The following CIZ1 variants were observed in gnomAD, a reference collection of about 807,000 sequenced individuals.
The protein encoded by CIZ1 is cip1-interacting zinc finger protein.
In CIZ1, 58 loss-of-function variants were observed where a neutral mutation model predicts 118.6. That is an observed-to-expected ratio of 0.49 (90% CI 0.40 to 0.61). CIZ1 has a LOEUF of 0.61. CIZ1 is among the 20% of genes least tolerant of loss of function. CIZ1 has a pLI of 0.00. For synonymous variants in CIZ1, 448 were observed against 443.4 expected (o/e 1.01, Z -0.13); for missense variants, 921 against 1,115.9 (o/e 0.83, Z 2.49).
intron 5 of CIZ1, among the ~76,000 whole-genome samples, chr9:128,183,490 C>A (rs1831951980): frequency 6.6e-6 from 1 of 152,190 alleles, no homozygotes; most frequent in Non-Finnish European, 1.5e-5. Flanking sequence ...CCTGGAGTGG[C>A]CAGCAAAGGG....
chr9:128,195,790 C>T (rs1362006986), upstream of CIZ1, among the ~76,000 whole-genome samples: 1 of 152,114 alleles, frequency 6.6e-6, no homozygotes, highest in Non-Finnish European at 1.5e-5. Context: ...TTTGCTAATT[C>T]CCAATTATAT....
intron 2 of CIZ1, 102 bp from the exon 3 acceptor site, chr9:128,190,546 C>G: frequency 7.4e-7 from 1 of 1,356,466 alleles, no homozygotes; most frequent in South Asian, 1.3e-5. Flanking sequence ...CTGTGGTAGA[C>G]AGAGGACCCC....
chr9:128,185,809 C>A lies in CIZ1; in HGVS notation c.359-33G>T, dbSNP rs527556841. 10 of 1,507,510 alleles carry A rather than the reference C, an allele frequency of 6.6e-6. 1 individual carries two copies. The South Asian group carries it at 1.1e-4, about 17-fold the overall frequency. 93.4% of individuals were successfully genotyped at this position (1,507,510 alleles called of 1,614,324 possible). On this transcript the variant is annotated intron_variant, in intron 4 of 16. Coordinates refer to ENST00000372938, the MANE Select transcript of CIZ1 (RefSeq NM_001131016.2). Reference sequence around the variant, plus strand: ...CAAGAAGACAGGAGAAGAGGGGTCACAATGTGGTCGGGTGGCAGAAGGTAG... The same window carrying A: ...CAAGAAGACAGGAGAAGAGGGGTCAAAATGTGGTCGGGTGGCAGAAGGTAG...
intron 5 of CIZ1, among the ~76,000 whole-genome samples, chr9:128,184,906 G>A (rs184117836): frequency 3.1e-3 from 477 of 152,178 alleles, no homozygotes; most frequent in Non-Finnish European, 5.6e-3. Context: ...CTGACCTCAG[G>A]TGATCCACCC....
At chr9:128,168,539 A>C (rs1471558903) in intron 14 of CIZ1, among the ~76,000 whole-genome samples, 1 of 151,926 alleles carries the variant, frequency 6.6e-6, no homozygotes, top group Non-Finnish European at 1.5e-5. Flanking sequence ...AAAAAAAAAA[A>C]AAAACTGCAA....
At chr9:128,177,528 G>GGGGC in intron 10 of CIZ1, 38 bp downstream of exon 10, 1 of 1,164,640 alleles carries the variant, frequency 8.6e-7, no homozygotes. Flanking sequence ...TTCCACGCAG[G>GGGGC]CCCCACCCCT....
Position 128,201,146 on chromosome 9 carries a change from T to C in CIZ1, c.-6+3040A>G, listed in dbSNP as rs529597679. ...AGCCGGGCGTGGTGGCACGAGCCTG[T>C]AGTCCCAGCTACTTGGGAGGCTGAG... On this transcript the variant is annotated intron_variant, in intron 1 of 17. Coordinates refer to the CIZ1 transcript ENST00000372948. Among the ~76,000 whole-genome samples the C allele has an allele frequency of 2.6e-5, 4 of 152,166 alleles. No homozygotes were observed. In the East Asian group the frequency reaches 5.8e-4, roughly 22 times the overall value.
intron 11 of CIZ1, among the ~76,000 whole-genome samples, chr9:128,172,838 AT>A (rs1830311623): frequency 6.6e-6 from 1 of 152,138 alleles, no homozygotes; most frequent in South Asian, 2.1e-4. Context: ...TGAGCGAATT[AT>A]TTTTAAAATC....
chr9:128,176,220 A>G, intron 11 of CIZ1, 131 bp downstream of exon 11: 1 of 1,140,296 alleles, frequency 8.8e-7, no homozygotes, highest in Non-Finnish European at 1.3e-6. Flanking sequence ...TCACACAGTT[A>G]ACAGTGTGAG....
Position 128,178,915 on chromosome 9 carries a change from G to A in CIZ1, c.1292C>T (p.Thr431Ile). The change falls in exon 8 of 17, where the codon ACA (threonine) becomes ATA (isoleucine). Residue 431 changes from threonine to isoleucine, a missense_variant. By Grantham distance (89) the Thr-to-Ile change is moderately conservative. Coordinates refer to ENST00000372938, the MANE Select transcript of CIZ1 (RefSeq NM_001131016.2). The stretch of plus-strand genomic sequence containing the variant: ...TGCCTGTGTGTGGACCTGTGGATAT[G>A]TCTGTGTCTGGACCTGCTTCTGCAG... ...LQLQKQVQTQ[T>I]YPQVHTQAQP... 1 of 1,614,216 alleles carries A rather than the reference G, an allele frequency of 6.2e-7. No homozygotes were observed. The highest frequency in any genetic ancestry group is 8.5e-7 in the Non-Finnish European group (1 of 1,180,030).
At chr9:128,198,410 C>T (rs1183713916) in intron 1 of CIZ1, 1 of 152,198 alleles carries the variant, frequency 6.6e-6, no homozygotes, top group African/African-American at 2.4e-5. Context: ...AAGAGCCAGA[C>T]CCTGCGCAGA....
chr9:128,168,512 T>C (rs1470506026), intron 14 of CIZ1, among the ~76,000 whole-genome samples: 1 of 138,520 alleles, frequency 7.2e-6, no homozygotes, highest in Non-Finnish European at 1.5e-5. Context: ...CGAGACTCCG[T>C]CTTGAAAAAA....
Position 128,180,271 on chromosome 9 carries a change from C to T in CIZ1, c.791+144G>A. The T allele has an allele frequency of 4.7e-6, 3 of 633,284 alleles. No individual in the cohort carries two copies. In the South Asian group the frequency reaches 5.7e-5, roughly 12 times the overall value. 39.2% of individuals were successfully genotyped at this position (633,284 alleles called of 1,614,324 possible). A position where few individuals can be genotyped will look rare whatever the true frequency, so the allele number is the denominator to read the frequency against. On this transcript the variant is annotated intron_variant, in intron 7 of 16. Coordinates refer to ENST00000372938, the MANE Select transcript of CIZ1 (RefSeq NM_001131016.2). ...AGGTCAGGTGCGGAAATAAGTAAGG[C>T]CTTCCTCCAAATCAGAGGCCAAGGC...
At chr9:128,178,088 A>C (rs1041906766) in intron 9 of CIZ1, among the ~76,000 whole-genome samples, 3 of 152,056 alleles carry the variant, frequency 2.0e-5, no homozygotes, top group African/African-American at 7.2e-5. Flanking sequence ...TGCTCTCTCC[A>C]CGAGAGCAAC....
At position 128,203,293 on chromosome 9, in the gene CIZ1, C is replaced by T. The variant is rs1318555328; in HGVS notation, c.-6+893G>A. 2.3e-5 allele frequency: 8 copies of T among 351,360 alleles called. No individual in the cohort carries two copies. The East Asian group carries it at 5.5e-4, about 24-fold the overall frequency. The allele number at this position is 351,360 out of a possible 1,614,324, so 21.8% of individuals were successfully genotyped here. ...GACGGCGCCTGCGCACGGCGGCCGG[C>T]CCGCAGCGCCGCGGGCTCCCCCTAG... On this transcript the variant is annotated intron_variant, in intron 1 of 17. Coordinates refer to the CIZ1 transcript ENST00000372948. The surrounding 1 kb of genome is among the most constrained non-coding windows in gnomAD (Gnocchi z 5.3).
upstream of CIZ1, chr9:128,191,584 G>C (rs2131033710): frequency 8.7e-7 from 1 of 1,148,668 alleles, no homozygotes; most frequent in African/African-American, 1.6e-5. This position sits in a 1 kb window ranked among gnomAD's most constrained non-coding sequence, Gnocchi z 5.5. Context: ...CCCAAATGCG[G>C]GCGGGGCCGG....
chr9:128,183,262 C>T (rs1564284690), intron 5 of CIZ1, among the ~76,000 whole-genome samples: 1 of 152,230 alleles, frequency 6.6e-6, no homozygotes, highest in African/African-American at 2.4e-5. Flanking sequence ...AGGCACCAGC[C>T]TGAGAGTCAG....
chr9:128,173,803 A>AGACCATG (rs1830475361), intron 11 of CIZ1, among the ~76,000 whole-genome samples: 1 of 151,590 alleles, frequency 6.6e-6, no homozygotes, highest in Admixed American at 6.6e-5. Context: ...TCAGGAGATC[A>AGACCATG]AGACCATCCT....
chr9:128,202,853 A>AG (rs1390771495), intron 1 of CIZ1: 1 of 152,250 alleles, frequency 6.6e-6, no homozygotes, highest in Non-Finnish European at 1.5e-5. Flanking sequence ...TTCAGTGCCT[A>AG]GGACAGGGCC....
Sources: gnomAD v4.1 joint callset for allele counts (sites outside exome capture counted in the v4.1 genomes callset) on GRCh38, gnomAD v4.1.1 for gene constraint, Gnocchi (gnomAD v3.1) non-coding constraint, MANE v1.5 for transcripts, NCBI Gene and HGNC (gene_info 2026-07-23, HGNC 2026-07-21) for gene names.